PPP1R17: variants seen among roughly 807,000 people sequenced by gnomAD.
PPP1R17 encodes the protein G-substrate.
PPP1R17 carries 12 observed loss-of-function variants against 15.9 expected under a neutral mutation model. The ratio of observed to expected loss-of-function variants is 0.75; its 90% CI spans 0.48 to 1.22. The LOEUF is 1.22. Among genes scored for constraint, PPP1R17 ranks in the 50% most tolerant of loss-of-function variants. The pLI is 0.00. For synonymous variants in PPP1R17, 63 were observed against 64.5 expected (o/e 0.98, Z 0.11); for missense variants, 211 against 187.3 (o/e 1.13, Z -0.74).
chr7:31,704,578 G>A (rs1018053049), intron 4 of PPP1R17, among the ~76,000 whole-genome samples: 6 of 152,226 alleles, frequency 3.9e-5, no homozygotes, highest in African/African-American at 1.4e-4. Flanking sequence ...CAATAGCGGA[G>A]AAGGATGTAT....
At chr7:31,691,739 T>G (rs905938500) in intron 1 of PPP1R17, among the ~76,000 whole-genome samples, 1 of 137,180 alleles carries the variant, frequency 7.3e-6, no homozygotes, top group African/African-American at 2.7e-5. Flanking sequence ...ACCACCATCA[T>G]AATGTGGATG....
chr7:31,695,670 C>A, intron 3 of PPP1R17, 49 bp downstream of exon 3: 1 of 1,555,282 alleles, frequency 6.4e-7, no homozygotes, highest in Non-Finnish European at 8.7e-7. Context: ...CCACTTGCCA[C>A]TAGGTTGCAT....
chr7:31,707,078 C>A, intron 4 of PPP1R17, 126 bp from the exon 5 acceptor site: 1 of 765,354 alleles, frequency 1.3e-6, no homozygotes, highest in Non-Finnish European at 2.1e-6. Flanking sequence ...GTACTGTTAG[C>A]AGGTAACCTT....
chr7:31,695,849 G>A, intron 3 of PPP1R17: 1 of 347,176 alleles, frequency 2.9e-6, no homozygotes, highest in South Asian at 7.5e-5. Context: ...CCTACCAATA[G>A]TGAAACCATG....
At chr7:31,703,591 T>C (rs1792944153) in intron 4 of PPP1R17, among the ~76,000 whole-genome samples, 2 of 152,358 alleles carry the variant, frequency 1.3e-5, no homozygotes. Flanking sequence ...TACTTTATTT[T>C]TGAAGCGCCT....
chr7:31,695,068 C>T (rs1257413308), intron 2 of PPP1R17, among the ~76,000 whole-genome samples: 1 of 152,128 alleles, frequency 6.6e-6, no homozygotes, highest in Non-Finnish European at 1.5e-5. Context: ...GATTTAGGTT[C>T]CATACTGGCC....
chr7:31,695,365 A>G, intron 2 of PPP1R17, 104 bp from the exon 3 acceptor site: 1 of 1,053,194 alleles, frequency 9.5e-7, no homozygotes, highest in East Asian at 2.5e-5. Flanking sequence ...TTCAGGCCAA[A>G]TCACCTCTGT....
At chr7:31,691,506 A>C (rs931397873) in intron 1 of PPP1R17, among the ~76,000 whole-genome samples, 7 of 152,150 alleles carry the variant, frequency 4.6e-5, no homozygotes, top group African/African-American at 1.7e-4. Context: ...AAGATTTTCT[A>C]TAAATCTCAG....
intron 4 of PPP1R17, among the ~76,000 whole-genome samples, chr7:31,705,161 T>C (rs1793013237): frequency 6.6e-6 from 1 of 152,240 alleles, no homozygotes; most frequent in African/African-American, 2.4e-5. Flanking sequence ...CTGGCTGTGA[T>C]GATTTAACAG....
chr7:31,687,547 T>C (rs888117476), intron 1 of PPP1R17, among the ~76,000 whole-genome samples: 1 of 152,170 alleles, frequency 6.6e-6, no homozygotes, highest in African/African-American at 2.4e-5. Flanking sequence ...AGTTTCAAGA[T>C]GAAGTTGGTG....
intron 4 of PPP1R17, among the ~76,000 whole-genome samples, chr7:31,697,538 G>A (rs1418344356): frequency 6.6e-6 from 1 of 152,152 alleles, no homozygotes; most frequent in African/African-American, 2.4e-5. Context: ...AATAAGGATA[G>A]CTATCTGAAT....
At chr7:31,698,443 C>G (rs185431448) in intron 4 of PPP1R17, among the ~76,000 whole-genome samples, 125 of 152,310 alleles carry the variant, frequency 8.2e-4, no homozygotes, top group Non-Finnish European at 1.5e-3. Flanking sequence ...TTTGACCCCA[C>G]CTGGTCATGC....
Position 31,695,558 on chromosome 7 carries a change from T to G in PPP1R17, c.172T>G (p.Ser58Ala), listed in dbSNP as rs1792542424. 1 of 1,613,564 alleles carries G rather than the reference T, an allele frequency of 6.2e-7. No homozygotes were observed. Among genetic ancestry groups the G allele is most frequent in the Non-Finnish European group, 8.5e-7 (1 of 1,179,886 alleles). Reference sequence around the variant, plus strand: ...TGTACAGGCCACCCTGAATGTTGAGTCAGACCAAAAAAAACCAAGGAGGAA... The same window carrying G: ...TGTACAGGCCACCCTGAATGTTGAGGCAGACCAAAAAAAACCAAGGAGGAA... ...KNVQATLNVE[S>A]DQKKPRRKDT... Residue 58 changes from serine (S) to alanine (A), a missense_variant, in exon 3 of 5, where the codon TCA becomes GCA. Physicochemically the swap from Ser to Ala is moderately conservative, Grantham distance 99 (BLOSUM62 1). Coordinates refer to ENST00000342032, the MANE Select transcript of PPP1R17 (RefSeq NM_006658.5).
At chr7:31,701,790 A>C (rs2128245712) in intron 4 of PPP1R17, among the ~76,000 whole-genome samples, 1 of 152,330 alleles carries the variant, frequency 6.6e-6, no homozygotes, top group South Asian at 2.1e-4. Context: ...GACTCAGATA[A>C]TCATTAGCAA....
chr7:31,698,217 G>T (rs1792691479), intron 4 of PPP1R17, among the ~76,000 whole-genome samples: 1 of 152,082 alleles, frequency 6.6e-6, no homozygotes, highest in African/African-American at 2.4e-5. Flanking sequence ...GAAAAAAATT[G>T]AAAAAACAGC....
At chr7:31,703,371 A>G (rs1295630914) in intron 4 of PPP1R17, among the ~76,000 whole-genome samples, 3 of 152,186 alleles carry the variant, frequency 2.0e-5, no homozygotes, top group Admixed American at 2.0e-4. Context: ...CAATATCTAC[A>G]TCCTAAGAGA....
rs551404865 is a variant in PPP1R17 at position 31,695,366 on chromosome 7, T to A, written c.83-103T>A. 3 of 1,047,628 alleles carry A rather than the reference T, an allele frequency of 2.9e-6. No individual in the cohort carries two copies. The East Asian group carries it at 7.6e-5, about 27-fold the overall frequency. The allele number at this position is 1,047,628 out of a possible 1,614,324, so 64.9% of individuals were successfully genotyped here. A position where few individuals can be genotyped will look rare whatever the true frequency, so the allele number is the denominator to read the frequency against. On this transcript the variant is annotated intron_variant, in intron 2 of 4. Transcript: ENST00000342032. The stretch of plus-strand genomic sequence containing the variant: ...AAACACTTTTCCTTTTCAGGCCAAA[T>A]CACCTCTGTCCTGTCATCAAGTGCA...
chr7:31,698,418 G>T (rs2128243111), intron 4 of PPP1R17, among the ~76,000 whole-genome samples: 1 of 152,236 alleles, frequency 6.6e-6, no homozygotes, highest in African/African-American at 2.4e-5. Context: ...TGTATACCAA[G>T]ATGAATGGTG....
intron 1 of PPP1R17, among the ~76,000 whole-genome samples, chr7:31,689,413 C>A (rs900165030): frequency 3.3e-5 from 5 of 152,136 alleles, no homozygotes; most frequent in African/African-American, 1.2e-4. Context: ...AGAAAGTTCC[C>A]AAGTTACAGG....
Sources: gnomAD v4.1 joint callset for allele counts (sites outside exome capture counted in the v4.1 genomes callset) on GRCh38, gnomAD v4.1.1 for gene constraint, MANE v1.5 for transcripts, NCBI Gene and HGNC (gene_info 2026-07-23, HGNC 2026-07-21) for gene names.